Variants in BOD1L1 observed in about 807,000 individuals in gnomAD.
BOD1L1 encodes the protein biorientation of chromosomes in cell division protein 1-like 1.
In BOD1L1, 86 loss-of-function variants were observed where a neutral mutation model predicts 240.7. That is an observed-to-expected ratio of 0.36 (90% confidence interval 0.30 to 0.43). BOD1L1 has a LOEUF of 0.43. Ranked by LOEUF, BOD1L1 falls within the 20% of genes least tolerant of loss-of-function variation. The pLI is 1.00. For synonymous variants in BOD1L1, 1,268 were observed against 1,272.3 expected, an observed-to-expected ratio of 1.00 and a Z score of 0.07; for missense variants, 3,554 against 3,643.5, an observed-to-expected ratio of 0.98 and a Z score of 0.63.
At position 13,614,628 on chromosome 4, in the gene BOD1L1, C is replaced by T; in HGVS notation, c.742G>A (p.Asp248Asn). 6.2e-7 allele frequency: 1 copy of T among 1,613,852 alleles called. No homozygotes were observed. The highest frequency in any genetic ancestry group is 8.5e-7 in the Non-Finnish European group (1 of 1,179,862). Reference sequence around the variant, plus strand: ...ATGTCCTCTGAAGTTCTTTCTTTGTCAGTACTAGTATCAGTGGTTGGCTGA... The same window carrying T: ...ATGTCCTCTGAAGTTCTTTCTTTGTTAGTACTAGTATCAGTGGTTGGCTGA... ...PSQPTTDTST[D>N]KERTSEDMAD... Residue 248 changes from aspartate to asparagine, a missense_variant, in exon 4 of 26, where the codon GAC (aspartate) becomes AAC (asparagine). Asp to Asn is a conservative substitution (Grantham distance 23). Transcript: ENST00000040738.
intron 25 of BOD1L1, chr4:13,572,800 A>C: frequency 3.9e-6 from 5 of 1,289,726 alleles, no homozygotes; most frequent in African/African-American, 1.5e-5. Flanking sequence ...CTGGGCTGCC[A>C]AGTTTGGATG....
At chr4:13,573,442 GTCTATCTA>G (rs1553830292) in intron 25 of BOD1L1, among the ~76,000 whole-genome samples, 10 of 120,856 alleles carry the variant, frequency 8.3e-5, no homozygotes, top group East Asian at 4.7e-4. Flanking sequence ...CTGTCTGTCT[GTCTATCTA>G]TCTATCTATC....
chr4:13,570,204 A>G, intron 25 of BOD1L1, 76 bp from the exon 26 acceptor site: 1 of 1,093,352 alleles, frequency 9.1e-7, no homozygotes, highest in Non-Finnish European at 1.3e-6. Flanking sequence ...TCCTTAAAAA[A>G]CAGAAGAGTT....
At chr4:13,624,988 G>T (rs1388053203) in intron 1 of BOD1L1, 2 of 152,166 alleles carry the variant, frequency 1.3e-5, no homozygotes, top group Non-Finnish European at 2.9e-5. Flanking sequence ...CGGTGGCCAG[G>T]CATGAGCCAC....
At position 13,599,654 on chromosome 4, in the gene BOD1L1, G is replaced by A; in HGVS notation, c.7246C>T (p.Pro2416Ser). ...EGHNGPSVHK[P>S]SAGQGHPSAV... is the part of the protein sequence containing the mutation. ...CTTGGATGGCCTTGCCCTGCAGAGG[G>A]CTTGTGGACTGATGGCCCGTTGTGC... The change falls in exon 10 of 26, where the codon CCC becomes TCC. Residue 2416 changes from proline to serine, a missense_variant. By Grantham distance (74) the Pro-to-Ser change is moderately conservative. Transcript: ENST00000040738. 1.2e-6 allele frequency: 2 copies of A among 1,613,976 alleles called. No homozygotes were observed. Among genetic ancestry groups the A allele is most frequent in the Non-Finnish European group, 1.7e-6 (2 of 1,179,892 alleles).
rs1189628742 is a variant in BOD1L1, at chr4:13,603,878, T to A, written c.3022A>T (p.Thr1008Ser). 9.3e-6 allele frequency: 15 copies of A among 1,613,664 alleles called. No homozygotes were observed. Among genetic ancestry groups the A allele is most frequent in the Admixed American group, 8.3e-5 (5 of 60,008 alleles). The change falls in exon 10 of 26, where the codon ACT becomes TCT. Residue 1008 changes from threonine (T) to serine (S), a missense_variant. Thr to Ser is a moderately conservative substitution (Grantham distance 58). Transcript: ENST00000040738. Reference sequence around the variant, plus strand: ...AACTTTCTCTCAAGCCTGGTGGAAGTGGAGTCTTTATCACTCTTATATTTC... The same window carrying A: ...AACTTTCTCTCAAGCCTGGTGGAAGAGGAGTCTTTATCACTCTTATATTTC... ...KEKYKSDKDSTSTRLERKLSD... is the reference protein window; with the variant it reads ...KEKYKSDKDSSSTRLERKLSD...
Position 13,568,809 on chromosome 4 carries a change from C to T in BOD1L1, c.*1202G>A, listed in dbSNP as rs1274805322. ...CCATGTAAAATGACAGAAATATCCA[C>T]CTTACATTAAGAGTCAAAATAAAAA... On this transcript the variant is annotated 3_prime_UTR_variant, in exon 26 of 26. Transcript: ENST00000040738. The T allele has an allele frequency of 6.6e-6, 1 of 151,810 alleles. No homozygotes were observed. The highest frequency in any genetic ancestry group is 2.4e-5 in the African/African-American group (1 of 41,274). The allele number at this position is 151,810 out of a possible 1,614,324, so 9.4% of individuals were successfully genotyped here.
rs1716425706 is a variant in BOD1L1, at chr4:13,614,532, A to C, written c.838T>G (p.Phe280Val). The C allele has an allele frequency of 6.2e-7, 1 of 1,613,820 alleles. No individual in the cohort carries two copies. Among genetic ancestry groups the C allele is most frequent in the South Asian group, 1.1e-5 (1 of 91,084 alleles). ...TCGACTGGACAGGGGAGGTCGCTGA[A>C]CTCTTCAGACTTTGGGGCTGTTTCC... is the stretch of plus-strand genomic sequence containing the variant. ...GLETAPKSEEFSDLPCPVEEI... is the reference protein window; with the variant it reads ...GLETAPKSEEVSDLPCPVEEI... The change falls in exon 4 of 26, where the codon TTC becomes GTC. Residue 280 changes from phenylalanine to valine, a missense_variant. By Grantham distance (50) the Phe-to-Val change is conservative. This residue lies in a region of BOD1L1 where 3,393 missense variants were observed against 3,427.1 expected (regional missense o/e 0.99). Transcript: ENST00000040738.
intron 17 of BOD1L1, among the ~76,000 whole-genome samples, chr4:13,584,190 A>G (rs541631426): frequency 4.6e-5 from 7 of 152,230 alleles, no homozygotes; most frequent in Admixed American, 6.5e-5. Flanking sequence ...CGTACATCCA[A>G]TTTGGGAGGG....
At chr4:13,619,841 C>T (rs1347278496) in intron 2 of BOD1L1, 102 bp downstream of exon 2, 14 of 1,379,436 alleles carry the variant, frequency 1.0e-5, no homozygotes, top group African/African-American at 1.0e-4. Flanking sequence ...GTAAAATTGT[C>T]AACATCATTA....
At position 13,614,357 on chromosome 4, in the gene BOD1L1, TTTTC is replaced by T. The variant is rs866336169; in HGVS notation, c.1009_1012del (p.Glu337ArgfsTer32). 8.4e-6 allele frequency: 13 copies of T among 1,551,318 alleles called. No individual in the cohort carries two copies. The highest frequency in any genetic ancestry group is 3.6e-5 in the South Asian group (3 of 84,116). On this transcript the variant is annotated frameshift_variant, in exon 4 of 26. Transcript: ENST00000040738. LOFTEE classifies it high-confidence loss of function. Reference sequence around the variant, plus strand: ...AAATTTCTTTTCAGTCTTTTCCTTCTTTTCTTTCTTTCTTTCTCCTTTCTCATTG... The same window carrying T: ...AAATTTCTTTTCAGTCTTTTCCTTCTTTTCTTTCTTTCTCCTTTCTCATTG...
chr4:13,598,580 G>A (rs1476506694), intron 10 of BOD1L1, among the ~76,000 whole-genome samples: 1 of 152,116 alleles, frequency 6.6e-6, no homozygotes, highest in African/African-American at 2.4e-5. Flanking sequence ...TGCTTTCATT[G>A]GGTTGTGGTA....
chr4:13,595,745 G>A, intron 12 of BOD1L1, 115 bp downstream of exon 12: 1 of 683,298 alleles, frequency 1.5e-6, no homozygotes, highest in Non-Finnish European at 2.4e-6. Context: ...AAAAGTGAGA[G>A]GCAAGTTAAT....
rs73231582 is a variant in BOD1L1 at position 13,603,680 on chromosome 4, G to A, written c.3220C>T (p.Arg1074Trp). 5,680 of 1,613,876 alleles carry A rather than the reference G, an allele frequency of 3.5e-3. 13 individuals carry two copies. The highest frequency in any genetic ancestry group is 4.5e-3 in the Non-Finnish European group (5,326 of 1,179,874). ...KKLSRRLCEN[R>W]RGSLSQEMAK... is the part of the protein sequence containing the mutation. ...ATTTCTTGTGACAAGCTTCCTCTCC[G>A]ATTTTCGCACAACCTTCTACTTAAT... Residue 1074 changes from arginine to tryptophan, a missense_variant, in exon 10 of 26, where the codon CGG becomes TGG. Physicochemically the swap from Arg to Trp is moderately radical, Grantham distance 101. Around this residue, in one of 2 missense-constraint regions of BOD1L1, gnomAD observed 3,393 missense variants for 3,427.1 expected, o/e 0.99. Coordinates refer to ENST00000040738, the MANE Select transcript of BOD1L1 (RefSeq NM_148894.3).
chr4:13,603,111 T>C lies in BOD1L1; in HGVS notation c.3789A>G (p.Glu1263=), dbSNP rs766170896. ...GAGTGGCATCTCCTTGAGCAACATG[T>C]TCTTCAGCAGCTGTGTTTTTCAAAT... is the stretch of plus-strand genomic sequence containing the variant. The part of the protein sequence containing the change: ...QKNLKNTAAE[E]HVAQGDATLE... Residue 1263 remains glutamate (E), a synonymous_variant, in exon 10 of 26, where the codon GAA becomes GAG. Transcript: ENST00000040738. 1.4e-5 allele frequency: 23 copies of C among 1,614,026 alleles called. No homozygotes were observed. Among genetic ancestry groups the C allele is most frequent in the Non-Finnish European group, 1.7e-5 (20 of 1,179,886 alleles).
intron 25 of BOD1L1, 140 bp from the exon 26 acceptor site, chr4:13,570,268 G>A (rs1327945929): frequency 1.1e-5 from 6 of 559,902 alleles, no homozygotes; most frequent in South Asian, 8.8e-5. Context: ...ACATGAAAAG[G>A]AGCTACCTCG....
intron 6 of BOD1L1, 140 bp from the exon 7 acceptor site, chr4:13,609,546 A>G: frequency 2.0e-6 from 1 of 508,296 alleles, no homozygotes; most frequent in Admixed American, 4.0e-5. Flanking sequence ...CATACACTAC[A>G]TATATATACA....
chr4:13,600,277 G>C lies in BOD1L1; in HGVS notation c.6623C>G (p.Thr2208Ser). The change falls in exon 10 of 26, where the codon ACC becomes AGC. Residue 2208 changes from threonine to serine, a missense_variant. By Grantham distance (58) the Thr-to-Ser change is moderately conservative (BLOSUM62 1). This residue lies in a region of BOD1L1 where 3,393 missense variants were observed against 3,427.1 expected (regional missense o/e 0.99). Transcript: ENST00000040738. ...PPEAESPLAS[T>S]SKEEKDECAL... Reference sequence around the variant, plus strand: ...ACATTCATCCTTCTCCTCCTTGCTGGTTGAGGCAAGAGGACTTTCAGCTTC... The same window carrying C: ...ACATTCATCCTTCTCCTCCTTGCTGCTTGAGGCAAGAGGACTTTCAGCTTC... 4 of 1,614,012 alleles carry C rather than the reference G, an allele frequency of 2.5e-6. No individual in the cohort carries two copies. Among genetic ancestry groups the C allele is most frequent in the Non-Finnish European group, 3.4e-6 (4 of 1,179,896 alleles).
At chr4:13,592,202 A>G in intron 12 of BOD1L1, 1 of 469,790 alleles carries the variant, frequency 2.1e-6, no homozygotes, top group East Asian at 3.5e-5. Context: ...ATTTTTTATA[A>G]TAACGGCAGT....
Sources: gnomAD v4.1 joint callset for allele counts (sites outside exome capture counted in the v4.1 genomes callset) on GRCh38, gnomAD v4.1.1 for gene constraint, gnomAD v4.1.1 regional missense constraint, MANE v1.5 for transcripts, NCBI Gene and HGNC (gene_info 2026-07-23, HGNC 2026-07-21) for gene names.